OXR1: variants seen among roughly 807,000 people sequenced by gnomAD.
OXR1 encodes the protein oxidation resistance 1, also known as oxidation resistance protein 1.
In OXR1, 41 loss-of-function variants were observed where a neutral mutation model predicts 104.6. The ratio of observed to expected loss-of-function variants is 0.39; its 90% CI spans 0.31 to 0.51. The LOEUF (loss-of-function observed/expected upper bound fraction) is 0.51, where lower values mean the gene tolerates loss of function less well. Ranked by LOEUF, OXR1 falls within the 20% of genes least tolerant of loss-of-function variation. OXR1 has a pLI of 0.77. For synonymous variants in OXR1, 348 were observed against 348.4 expected (o/e 1.00, Z 0.01); for missense variants, 955 against 1,031.9 (o/e 0.93, Z 1.02).
intron 2 of OXR1, among the ~76,000 whole-genome samples, chr8:106,405,292 A>G (rs886504451): frequency 6.7e-6 from 1 of 149,744 alleles, no homozygotes; most frequent in South Asian, 2.1e-4. Flanking sequence ...TGCCATCCAC[A>G]AGGTGCAAAT....
chr8:106,457,910 AT>A (rs777855919), intron 2 of OXR1, among the ~76,000 whole-genome samples: 11 of 152,186 alleles, frequency 7.2e-5, no homozygotes, highest in Non-Finnish European at 1.5e-4. Context: ...TTTAAGTAAA[AT>A]TTTGACAGAG....
chr8:106,668,004 A>G (rs1028525524), intron 3 of OXR1, among the ~76,000 whole-genome samples: 6 of 151,340 alleles, frequency 4.0e-5, no homozygotes, highest in African/African-American at 1.5e-4. Flanking sequence ...AGATACTGTT[A>G]TTACAATCTT....
At chr8:106,554,180 A>T (rs1448121234) in intron 3 of OXR1, among the ~76,000 whole-genome samples, 1 of 152,188 alleles carries the variant, frequency 6.6e-6, no homozygotes, top group Non-Finnish European at 1.5e-5. Flanking sequence ...AGACATATCA[A>T]CATCATGTGC....
intron 3 of OXR1, among the ~76,000 whole-genome samples, chr8:106,646,250 T>C (rs993449090): frequency 2.6e-5 from 4 of 151,858 alleles, no homozygotes; most frequent in African/African-American, 9.7e-5. Context: ...GGATTACAGG[T>C]GCACACCACC....
intron 2 of OXR1, among the ~76,000 whole-genome samples, chr8:106,363,251 A>G (rs1816324861): frequency 6.6e-6 from 1 of 152,190 alleles, no homozygotes; most frequent in Non-Finnish European, 1.5e-5. Flanking sequence ...AAGCCAGAAG[A>G]CTGATAAGTG....
intron 2 of OXR1, among the ~76,000 whole-genome samples, chr8:106,398,889 G>A (rs1269817850): frequency 6.6e-6 from 1 of 152,124 alleles, no homozygotes; most frequent in Non-Finnish European, 1.5e-5. Flanking sequence ...CACTCACTGA[G>A]TCTTATTGTT....
intron 2 of OXR1, among the ~76,000 whole-genome samples, chr8:106,447,602 A>G (rs1374951097): frequency 6.6e-6 from 1 of 152,212 alleles, no homozygotes; most frequent in African/African-American, 2.4e-5. Flanking sequence ...AACACAATGA[A>G]TTACAGTGAT....
At chr8:106,602,923 AG>A (rs753195630) in intron 3 of OXR1, among the ~76,000 whole-genome samples, 3 of 151,668 alleles carry the variant, frequency 2.0e-5, no homozygotes, top group Non-Finnish European at 2.9e-5. Context: ...TTATCCTTTC[AG>A]GTTTATTCAA....
chr8:106,334,213 T>C (rs1204172183), intron 1 of OXR1, among the ~76,000 whole-genome samples: 1 of 152,210 alleles, frequency 6.6e-6, no homozygotes, highest in Non-Finnish European at 1.5e-5. Context: ...TTTTTATACT[T>C]GATTGCTATT....
chr8:106,471,698 G>C (rs1821500625), intron 2 of OXR1, among the ~76,000 whole-genome samples: 2 of 151,782 alleles, frequency 1.3e-5, no homozygotes, highest in Non-Finnish European at 2.9e-5. Flanking sequence ...AAAGTAATAA[G>C]AGATTTTTTT....
At chr8:106,584,001 A>T (rs906518425) in intron 3 of OXR1, among the ~76,000 whole-genome samples, 1 of 152,144 alleles carries the variant, frequency 6.6e-6, no homozygotes, top group Non-Finnish European at 1.5e-5. Flanking sequence ...AAAAATTGGA[A>T]GGAAAAGAAA....
chr8:106,723,956 A>AT (rs965978147), intron 11 of OXR1, among the ~76,000 whole-genome samples: 60 of 142,870 alleles, frequency 4.2e-4, no homozygotes, highest in African/African-American at 6.4e-4. Context: ...CATCCAGCTA[A>AT]TTTTTTTTTT....
intron 2 of OXR1, among the ~76,000 whole-genome samples, chr8:106,438,343 A>T (rs1370649914): frequency 6.6e-6 from 1 of 152,190 alleles, no homozygotes; most frequent in African/African-American, 2.4e-5. Context: ...GTATTGACAT[A>T]TGCTGTAAAT....
At chr8:106,569,698 T>C (rs1156942419) in intron 3 of OXR1, among the ~76,000 whole-genome samples, 1 of 152,224 alleles carries the variant, frequency 6.6e-6, no homozygotes, top group Non-Finnish European at 1.5e-5. Context: ...CCATTGACAT[T>C]CACATGAATT....
intron 1 of OXR1, among the ~76,000 whole-genome samples, chr8:106,351,476 G>C (rs1442866729): frequency 6.6e-6 from 1 of 152,218 alleles, no homozygotes; most frequent in African/African-American, 2.4e-5. Context: ...GGAAAGGAAA[G>C]GGATGAGTGT....
intron 3 of OXR1, among the ~76,000 whole-genome samples, chr8:106,562,873 C>T (rs1418158746): frequency 1.3e-5 from 2 of 152,120 alleles, no homozygotes; most frequent in Non-Finnish European, 2.9e-5. Flanking sequence ...CCAAACTAAG[C>T]TTCATAAGTG....
intron 6 of OXR1, among the ~76,000 whole-genome samples, chr8:106,690,826 A>G (rs1039022685): frequency 6.6e-6 from 1 of 151,970 alleles, no homozygotes; most frequent in Non-Finnish European, 1.5e-5. Context: ...TTTAAAGGAT[A>G]TATAGTATAT....
At chr8:106,669,070 A>C (rs914877273) in intron 3 of OXR1, among the ~76,000 whole-genome samples, 2 of 152,216 alleles carry the variant, frequency 1.3e-5, no homozygotes, top group African/African-American at 4.8e-5. Context: ...TTTAAGGTCT[A>C]GATGGAGGAA....
At chr8:106,495,009 A>G (rs1199514693) in intron 2 of OXR1, among the ~76,000 whole-genome samples, 1 of 152,110 alleles carries the variant, frequency 6.6e-6, no homozygotes, top group African/African-American at 2.4e-5. Flanking sequence ...ACGTGTAGGT[A>G]CTCACAGTAG....
Sources: allele counts gnomAD v4.1 joint callset (sites outside exome capture counted in the v4.1 genomes callset), GRCh38; gene constraint gnomAD v4.1.1; transcripts MANE v1.5; gene names NCBI Gene and HGNC (gene_info 2026-07-23, HGNC 2026-07-21).